Variants in AADACL4 observed in about 807,000 individuals in gnomAD.
AADACL4 encodes arylacetamide deacetylase-like 4.
In AADACL4, 9 loss-of-function variants were observed where a neutral mutation model predicts 14.1. The observed-to-expected ratio is 0.64, with a 90% CI of 0.39 to 1.12. The LOEUF (loss-of-function observed/expected upper bound fraction) is 1.12. Among genes scored for constraint, AADACL4 ranks in the 50% most tolerant of loss-of-function variants. The pLI is 0.01. For missense variants in AADACL4, 531 were observed against 516.1 expected, an observed-to-expected ratio of 1.03 and a Z score of -0.28; for synonymous variants, 188 against 201.6, an observed-to-expected ratio of 0.93 and a Z score of 0.57.
At chr1:12,660,842 C>A (rs540645480) in intron 2 of AADACL4, among the ~76,000 whole-genome samples, 1 of 152,218 alleles carries the variant, frequency 6.6e-6, no homozygotes, top group Non-Finnish European at 1.5e-5. Context: ...CGGGGTTTCA[C>A]CATACTGGCC....
chr1:12,661,821 C>T lies in AADACL4; in HGVS notation c.416C>T (p.Ala139Val). 6.2e-7 allele frequency: 1 copy of T among 1,614,026 alleles called. No homozygotes were observed. Among genetic ancestry groups the T allele is most frequent in the Non-Finnish European group, 8.5e-7 (1 of 1,180,014 alleles). The change falls in exon 3 of 4, where the codon GCC becomes GTC. Residue 139 changes from alanine to valine, a missense_variant. Coordinates refer to ENST00000376221, the MANE Select transcript of AADACL4 (RefSeq NM_001013630.2). ...DCYHGLCNYLARETESVLLMI... is the reference protein window; with the variant it reads ...DCYHGLCNYLVRETESVLLMI... The stretch of plus-strand genomic sequence containing the variant: ...TACCATGGCCTGTGCAATTATCTGG[C>T]CCGGGAGACTGAATCTGTACTTCTG...
At chr1:12,661,204 A>C (rs1480841211) in intron 2 of AADACL4, among the ~76,000 whole-genome samples, 1 of 152,126 alleles carries the variant, frequency 6.6e-6, no homozygotes, top group Non-Finnish European at 1.5e-5. Context: ...ATTCTGATTT[A>C]ATTGGTTTGA....
In AADACL4 at chr1:12,657,921, C is replaced by T. The variant is rs560331983; in HGVS notation, c.386-3870C>T. 2.0e-5 allele frequency among the ~76,000 whole-genome samples: 3 copies of T among 152,282 alleles called. No homozygotes were observed. The South Asian group carries it at 6.2e-4, about 32-fold the overall frequency. ...TCAGGGTTTTATCAGTCTCTAGCTTCTGCAGCCATTTCAAGTTTCCTTTTG... is the reference window on the plus strand; with the variant it reads ...TCAGGGTTTTATCAGTCTCTAGCTTTTGCAGCCATTTCAAGTTTCCTTTTG... On this transcript the variant is annotated intron_variant, in intron 2 of 3. Coordinates refer to ENST00000376221, the MANE Select transcript of AADACL4 (RefSeq NM_001013630.2).
chr1:12,660,953 T>C (rs1157179579), intron 2 of AADACL4, among the ~76,000 whole-genome samples: 1 of 152,180 alleles, frequency 6.6e-6, no homozygotes, highest in Admixed American at 6.5e-5. Flanking sequence ...TTTAAACAGC[T>C]CATCAGATGA....
At chr1:12,665,488 G>A (rs558050568) in intron 3 of AADACL4, among the ~76,000 whole-genome samples, 2 of 152,318 alleles carry the variant, frequency 1.3e-5, no homozygotes, top group African/African-American at 2.4e-5. Context: ...GCCTCCCAGA[G>A]TGCTGGGATT....
At chr1:12,646,106 C>A (rs1373534947) in intron 1 of AADACL4, among the ~76,000 whole-genome samples, 1 of 152,144 alleles carries the variant, frequency 6.6e-6, no homozygotes, top group Non-Finnish European at 1.5e-5. Context: ...ATGTCCCAAC[C>A]CTAGGTGGAG....
Position 12,651,265 on chromosome 1 carries a change from C to T in AADACL4, c.311C>T (p.Pro104Leu), listed in dbSNP as rs753850598. ...ACGATACCCGTGAGGCTGTTCCAGCCGAAGGCAGCATCCTCCAGACCCCGG... is the reference window on the plus strand; with the variant it reads ...ACGATACCCGTGAGGCTGTTCCAGCTGAAGGCAGCATCCTCCAGACCCCGG... ...FGTIPVRLFQ[P>L]KAASSRPRRG... Residue 104 changes from proline to leucine, a missense_variant, in exon 2 of 4, where the codon CCG becomes CTG. Transcript: ENST00000376221. 54 of 1,614,044 alleles carry T rather than the reference C, an allele frequency of 3.3e-5. No homozygotes were observed. Among genetic ancestry groups the T allele is most frequent in the Non-Finnish European group, 3.9e-5 (46 of 1,180,056 alleles).
At chr1:12,665,843 G>C in intron 3 of AADACL4, 118 bp from the exon 4 acceptor site, 1 of 1,131,306 alleles carries the variant, frequency 8.8e-7, no homozygotes, top group Non-Finnish European at 1.2e-6. Flanking sequence ...TATTTCATAG[G>C]GTTATTCTGA....
chr1:12,652,999 T>A (rs552705830), intron 2 of AADACL4, among the ~76,000 whole-genome samples: 1 of 152,364 alleles, frequency 6.6e-6, no homozygotes, highest in East Asian at 1.9e-4. Flanking sequence ...GTGTAATTCC[T>A]ATCTCATTTT....
intron 1 of AADACL4, among the ~76,000 whole-genome samples, chr1:12,646,451 A>G (rs1272532209): frequency 1.3e-5 from 2 of 152,228 alleles, no homozygotes; most frequent in African/African-American, 2.4e-5. Context: ...CGACAAGTTC[A>G]GTGTGCAGTG....
At position 12,644,554 on chromosome 1, in the gene AADACL4, T is replaced by TCC; in HGVS notation, c.11_12dup (p.Trp5ProfsTer3). ...CCTCAAGGCCCCAGGAACATGGCTG[T>TCC]CCCCTGGCTAGTGCTACTCTTGGCA... is the stretch of plus-strand genomic sequence containing the variant. On this transcript the variant is annotated frameshift_variant, in exon 1 of 4. Transcript: ENST00000376221. LOFTEE classifies it high-confidence loss of function. 6.2e-7 allele frequency: 1 copy of TCC among 1,613,916 alleles called. No individual in the cohort carries two copies. Among genetic ancestry groups the TCC allele is most frequent in the Non-Finnish European group, 8.5e-7 (1 of 1,179,926 alleles).
chr1:12,651,634 C>T (rs112794846), intron 2 of AADACL4, among the ~76,000 whole-genome samples: 175 of 152,108 alleles, frequency 1.2e-3, no homozygotes, highest in African/African-American at 3.8e-3. Flanking sequence ...CCTTTCTACT[C>T]CTAGTCATTG....
intron 3 of AADACL4, among the ~76,000 whole-genome samples, chr1:12,664,039 G>A (rs1357517320): frequency 6.6e-6 from 1 of 152,212 alleles, no homozygotes; most frequent in African/African-American, 2.4e-5. Flanking sequence ...AGGTATAATA[G>A]AAGGAAGTGT....
intron 2 of AADACL4, among the ~76,000 whole-genome samples, chr1:12,658,090 T>TTTCCTTCCTTCCTTC (rs755806940): frequency 2.9e-5 from 4 of 136,282 alleles, no homozygotes; most frequent in South Asian, 2.5e-4. Context: ...TCTTTCTTTC[T>TTTCCTTCCTTCCTTC]CTTTCTTTCT....
Position 12,657,140 on chromosome 1 carries a change from CAAAAAAAAAAAA to C in AADACL4, c.386-4637_386-4626del, listed in dbSNP as rs59777423. Among the ~76,000 whole-genome samples the C allele has an allele frequency of 3.1e-4, 16 of 51,104 alleles. No individual in the cohort carries two copies. In the East Asian group the frequency reaches 8.8e-3, roughly 28 times the overall value. The allele number at this position is 51,104 out of a possible 152,430, so 33.5% of individuals were successfully genotyped here. On this transcript the variant is annotated intron_variant, in intron 2 of 3. Transcript: ENST00000376221. Reference sequence around the variant, plus strand: ...TCTGGGTGACAGAGAAAGACTGTCTCAAAAAAAAAAAAAAAAAAAAAAAAATCAAACAAACAA... The same window carrying C: ...TCTGGGTGACAGAGAAAGACTGTCTCAAAAAAAAAAAAATCAAACAAACAA...
chr1:12,646,705 C>T (rs947374411), intron 1 of AADACL4, among the ~76,000 whole-genome samples: 11 of 152,216 alleles, frequency 7.2e-5, no homozygotes, highest in African/African-American at 2.7e-4. Flanking sequence ...ACAAGCTAAA[C>T]ATCTACTGAT....
chr1:12,658,022 C>G (rs905889885), intron 2 of AADACL4, among the ~76,000 whole-genome samples: 2 of 148,148 alleles, frequency 1.3e-5, no homozygotes, highest in African/African-American at 5.2e-5. Flanking sequence ...CTCTCTCTTT[C>G]TTTCTCTTTC....
intron 3 of AADACL4, among the ~76,000 whole-genome samples, chr1:12,665,511 C>G (rs1333045191): frequency 6.6e-6 from 1 of 152,212 alleles, no homozygotes; most frequent in Non-Finnish European, 1.5e-5. Flanking sequence ...AGGCATGAGT[C>G]ACCGTGCCCG....
At position 12,645,666 on chromosome 1, in the gene AADACL4, C is replaced by T. The variant is rs558966910; in HGVS notation, c.168+952C>T. 2.6e-5 allele frequency among the ~76,000 whole-genome samples: 4 copies of T among 152,206 alleles called. No individual in the cohort carries two copies. The East Asian group carries it at 7.7e-4, about 29-fold the overall frequency. On this transcript the variant is annotated intron_variant, in intron 1 of 3. Coordinates refer to ENST00000376221, the MANE Select transcript of AADACL4 (RefSeq NM_001013630.2). ...CAAGCGATCCTTTCCATCTCAGCCT[C>T]CCAAGTAGCTGGGACTACAGGTGCG...
Sources: allele counts gnomAD v4.1 joint callset (sites outside exome capture counted in the v4.1 genomes callset), GRCh38; gene constraint gnomAD v4.1.1; transcripts MANE v1.5; gene names NCBI Gene and HGNC (gene_info 2026-07-23, HGNC 2026-07-21).